The following INCENP variants were observed in gnomAD, a reference collection of about 807,000 sequenced individuals.
The protein encoded by INCENP is binds and activates aurora-B and -C in vivo and in vitro.
Under a neutral mutation model 107.3 loss-of-function variants are expected in INCENP, and 43 were observed. That is an observed-to-expected ratio of 0.40 (90% CI 0.31 to 0.52). The LOEUF (loss-of-function observed/expected upper bound fraction) is 0.52, where lower values mean the gene tolerates loss of function less well. Ranked by LOEUF, INCENP falls within the 20% of genes least tolerant of loss-of-function variation. The pLI is 0.53. For missense variants in INCENP, 1,089 were observed against 1,250.9 expected (o/e 0.87, Z 1.95); for synonymous variants, 488 against 494.4 (o/e 0.99, Z 0.17).
At chr11:62,125,319 G>A (rs1466084800) in intron 1 of INCENP, among the ~76,000 whole-genome samples, 5 of 152,246 alleles carry the variant, frequency 3.3e-5, no homozygotes, top group Non-Finnish European at 5.9e-5. Flanking sequence ...CTTTGTGAAA[G>A]AAGCTCTCAT....
chr11:62,146,821 G>C lies in INCENP; in HGVS notation c.2123G>C (p.Arg708Pro), dbSNP rs575651941. Reference sequence around the variant, plus strand: ...CAGGAGCGGCGCGAGCAGGAGCGGCGGGAGCAGGAGCGGCGCGAGCAGGAG... The same window carrying C: ...CAGGAGCGGCGCGAGCAGGAGCGGCCGGAGCAGGAGCGGCGCGAGCAGGAG... ...REQERREQER[R>P]EQERREQERQ... Residue 708 changes from arginine (R) to proline (P), a missense_variant, in exon 15 of 19, where the codon CGG becomes CCG. Coordinates refer to ENST00000394818, the MANE Select transcript of INCENP (RefSeq NM_001040694.2). 17 of 1,539,490 alleles carry C rather than the reference G, an allele frequency of 1.1e-5. No homozygotes were observed. In the African/African-American group the frequency reaches 1.7e-4, roughly 15 times the overall value.
intron 7 of INCENP, among the ~76,000 whole-genome samples, chr11:62,139,291 G>A (rs1944061338): frequency 6.6e-6 from 1 of 152,168 alleles, no homozygotes; most frequent in African/African-American, 2.4e-5. Flanking sequence ...GCCAGGTCAA[G>A]GCCTTGACCT....
intron 2 of INCENP, among the ~76,000 whole-genome samples, 154 bp from the exon 3 acceptor site, chr11:62,128,616 G>A (rs1440500713): frequency 6.6e-6 from 1 of 152,350 alleles, no homozygotes; most frequent in Middle Eastern, 3.4e-3. Context: ...AGTGCCCGCA[G>A]GTGACTTGCA....
In INCENP at chr11:62,151,951, T is replaced by C. The variant is rs775404287; in HGVS notation, c.2732T>C (p.Leu911Pro). Residue 911 changes from leucine to proline, a missense_variant, in exon 19 of 19, where the codon CTG (leucine) becomes CCG (proline). Coordinates refer to ENST00000394818, the MANE Select transcript of INCENP (RefSeq NM_001040694.2). ...PLQGARVPSSLAYSLKKH is the reference protein window; with the variant it reads ...PLQGARVPSSPAYSLKKH ...CAGGGCGCCAGGGTCCCCAGCAGCC[T>C]GGCCTACAGCCTGAAGAAGCACTGA... 3 of 1,611,716 alleles carry C rather than the reference T, an allele frequency of 1.9e-6. No homozygotes were observed. In the East Asian group the frequency reaches 6.7e-5, roughly 36 times the overall value.
chr11:62,143,003 C>G (rs550673603), intron 11 of INCENP, among the ~76,000 whole-genome samples: 4 of 149,202 alleles, frequency 2.7e-5, no homozygotes, highest in African/African-American at 9.8e-5. Context: ...ACGACTGTGT[C>G]CAGGGCCACC....
intron 11 of INCENP, among the ~76,000 whole-genome samples, chr11:62,142,873 G>A (rs1944153943): frequency 6.6e-6 from 1 of 152,232 alleles, no homozygotes; most frequent in Non-Finnish European, 1.5e-5. Context: ...TTAGAGCTGA[G>A]CCTGGGCGTT....
intron 4 of INCENP, 42 bp downstream of exon 4, chr11:62,130,632 C>T: frequency 1.3e-6 from 2 of 1,556,728 alleles, no homozygotes; most frequent in Non-Finnish European, 1.7e-6. Flanking sequence ...TCCTTGGTGC[C>T]AGGCTCAGAT....
Position 62,138,569 on chromosome 11 carries a change from C to T in INCENP, c.1116-144C>T. On this transcript the variant is annotated intron_variant, in intron 5 of 18. Transcript: ENST00000394818. Reference sequence around the variant, plus strand: ...CGGGAGCTGCCATCCTCCTATCCTACAGGGGGCTGTGGGTTCGTGGCCCTG... The same window carrying T: ...CGGGAGCTGCCATCCTCCTATCCTATAGGGGGCTGTGGGTTCGTGGCCCTG... 6 of 656,610 alleles carry T rather than the reference C, an allele frequency of 9.1e-6. No homozygotes were observed. The South Asian group carries it at 1.1e-4, about 12-fold the overall frequency. 40.7% of individuals were successfully genotyped at this position (656,610 alleles called of 1,614,324 possible). A position where few individuals can be genotyped will look rare whatever the true frequency, so the allele number is the denominator to read the frequency against.
rs1944409455 is a variant in INCENP, at chr11:62,153,081, G to T, written c.*1105G>T. 1 of 152,208 alleles carries T rather than the reference G, an allele frequency of 6.6e-6. No individual in the cohort carries two copies. Among genetic ancestry groups the T allele is most frequent in the African/African-American group, 2.4e-5 (1 of 41,460 alleles). 9.4% of individuals were successfully genotyped at this position (152,208 alleles called of 1,614,324 possible). On this transcript the variant is annotated 3_prime_UTR_variant, in exon 19 of 19. Coordinates refer to ENST00000394818, the MANE Select transcript of INCENP (RefSeq NM_001040694.2). ...AGTTGTGCAGCAGAGGCCCCTCCAT[G>T]CAAAGCTGAATATGTTTACTATTTG...
chr11:62,138,928 A>G lies in INCENP; in HGVS notation c.1214A>G (p.Asp405Gly). The G allele has an allele frequency of 6.2e-7, 1 of 1,614,078 alleles. No homozygotes were observed. Among genetic ancestry groups the G allele is most frequent in the Non-Finnish European group, 8.5e-7 (1 of 1,179,928 alleles). Residue 405 changes from aspartate to glycine, a missense_variant, in exon 7 of 19, where the codon GAC becomes GGC. Physicochemically the swap from Asp to Gly is moderately conservative, Grantham distance 94 (BLOSUM62 -1). Coordinates refer to ENST00000394818, the MANE Select transcript of INCENP (RefSeq NM_001040694.2). ...NNGNNSWPHN[D>G]TEIANSTPNP... ...GGAAATAACTCGTGGCCCCACAATG[A>G]CACGGAGATTGCCAACAGCACACCC...
At chr11:62,150,459 CTGGGCTTGGGCA>C (rs149234953) in intron 18 of INCENP, among the ~76,000 whole-genome samples, 27,884 of 152,146 alleles carry the variant, frequency 0.18, 3,285 homozygotes, top group South Asian at 0.39. Flanking sequence ...TGAAATTGTG[CTGGGCTTGGGCA>C]TGGCATATGC....
intron 3 of INCENP, among the ~76,000 whole-genome samples, chr11:62,129,520 G>A (rs1204181129): frequency 2.6e-5 from 4 of 152,178 alleles, no homozygotes; most frequent in East Asian, 1.9e-4. Flanking sequence ...TCAGTCAGCC[G>A]GAGGTTTGGA....
intron 11 of INCENP, among the ~76,000 whole-genome samples, chr11:62,141,999 G>A (rs1260375453): frequency 6.6e-6 from 1 of 152,194 alleles, no homozygotes. Context: ...TTGCTGTGCT[G>A]GGTGACAGTA....
At chr11:62,141,680 A>T in intron 11 of INCENP, 169 bp downstream of exon 11, 1 of 883,414 alleles carries the variant, frequency 1.1e-6, no homozygotes. Flanking sequence ...GGAGGCGCCC[A>T]GCAGTTCTGG....
At chr11:62,146,634 A>C (rs955153634) in intron 14 of INCENP, 24 bp from the exon 15 acceptor site, 1 of 1,550,022 alleles carries the variant, frequency 6.5e-7, no homozygotes, top group African/African-American at 1.4e-5. Context: ...TGGCCGCAGC[A>C]CCTGACCTTG....
intron 1 of INCENP, among the ~76,000 whole-genome samples, chr11:62,126,583 C>G (rs1312908450): frequency 6.6e-6 from 1 of 152,190 alleles, no homozygotes; most frequent in Non-Finnish European, 1.5e-5. Flanking sequence ...CTTATGACCA[C>G]CACCCATTCA....
At chr11:62,145,510 G>T in intron 13 of INCENP, 119 bp from the exon 14 acceptor site, 1 of 1,372,060 alleles carries the variant, frequency 7.3e-7, no homozygotes, top group Non-Finnish European at 9.8e-7. Flanking sequence ...CTCTCCCTGG[G>T]TGGTGGGAAC....
intron 6 of INCENP, 58 bp downstream of exon 6, chr11:62,138,828 C>T (rs900598464): frequency 1.5e-5 from 24 of 1,603,120 alleles, no homozygotes; most frequent in African/African-American, 4.0e-5. Context: ...CTCTGCACTA[C>T]GGCCATCCTG....
intron 11 of INCENP, 93 bp downstream of exon 11, chr11:62,141,604 G>A: frequency 6.7e-7 from 1 of 1,482,376 alleles, no homozygotes; most frequent in South Asian, 1.1e-5. Flanking sequence ...ACCTGTAGAT[G>A]CACTAACATT....
Sources: gnomAD v4.1 joint callset for allele counts (sites outside exome capture counted in the v4.1 genomes callset) on GRCh38, gnomAD v4.1.1 for gene constraint, MANE v1.5 for transcripts, NCBI Gene and HGNC (gene_info 2026-07-23, HGNC 2026-07-21) for gene names.